The following SDK1 variants were observed in gnomAD, a reference collection of about 807,000 sequenced individuals.
The protein encoded by SDK1 is protein sidekick-1.
In SDK1, 157 loss-of-function variants were observed where a neutral mutation model predicts 245.5. That is an observed-to-expected ratio of 0.64 (90% CI 0.56 to 0.73). SDK1 has a LOEUF of 0.73. Ranked by LOEUF, SDK1 falls within the 30% of genes least tolerant of loss-of-function variation. The pLI, the probability that SDK1 is intolerant of heterozygous loss-of-function variation, is 0.00. For synonymous variants in SDK1, 1,647 were observed against 1,278.5 expected (o/e 1.29, Z -6.15); for missense variants, 3,583 against 3,002.3 (o/e 1.19, Z -4.52).
chr7:3,564,871 T>C (rs1300159048), intron 1 of SDK1, among the ~76,000 whole-genome samples: 1 of 152,080 alleles, frequency 6.6e-6, no homozygotes, highest in African/African-American at 2.4e-5. Flanking sequence ...TCGATTACAG[T>C]ACCTGTGAAT....
At chr7:4,171,219 G>A (rs1360272736) in intron 32 of SDK1, among the ~76,000 whole-genome samples, 1 of 152,238 alleles carries the variant, frequency 6.6e-6, no homozygotes, top group Non-Finnish European at 1.5e-5. Context: ...GTGCCTTGCT[G>A]ATCGTCTGCC....
rs1463190369 is a variant in SDK1, at chr7:3,633,915, C to T, written c.459-5089C>T. On this transcript the variant is annotated intron_variant, in intron 2 of 44. Coordinates refer to ENST00000404826, the MANE Select transcript of SDK1 (RefSeq NM_152744.4). ...TGGCCCCACCAAATACTGGCCATCACTGCTTGAGCCACTGCCCTAGTTGGC... is the reference window on the plus strand; with the variant it reads ...TGGCCCCACCAAATACTGGCCATCATTGCTTGAGCCACTGCCCTAGTTGGC... Among the ~76,000 whole-genome samples the T allele has an allele frequency of 2.0e-5, 3 of 152,102 alleles. No individual in the cohort carries two copies. In the East Asian group the frequency reaches 5.8e-4, roughly 29 times the overall value.
intron 5 of SDK1, among the ~76,000 whole-genome samples, chr7:3,865,763 G>A (rs1055940349): frequency 6.6e-6 from 1 of 151,376 alleles, no homozygotes; most frequent in Non-Finnish European, 1.5e-5. Flanking sequence ...CTCCCAAAAC[G>A]CTGGGATTAC....
intron 1 of SDK1, among the ~76,000 whole-genome samples, chr7:3,494,664 T>C: frequency 6.6e-6 from 1 of 152,240 alleles, no homozygotes; most frequent in East Asian, 1.9e-4. Flanking sequence ...AATTATGTTT[T>C]ATATACTCTG....
intron 4 of SDK1, among the ~76,000 whole-genome samples, chr7:3,816,426 C>T (rs1264496149): frequency 6.7e-6 from 1 of 148,744 alleles, no homozygotes; most frequent in Non-Finnish European, 1.5e-5. Context: ...CACCACCGAT[C>T]CCACAGAAAT....
intron 4 of SDK1, among the ~76,000 whole-genome samples, chr7:3,697,858 A>T (rs1653570667): frequency 6.6e-6 from 1 of 152,330 alleles, no homozygotes; most frequent in South Asian, 2.1e-4. Flanking sequence ...TTTCAGAAAG[A>T]TGGAATTAGA....
chr7:3,777,566 G>T (rs1291713890), intron 4 of SDK1, among the ~76,000 whole-genome samples: 2 of 152,176 alleles, frequency 1.3e-5, no homozygotes, highest in Non-Finnish European at 2.9e-5. Context: ...GATGTGCCCA[G>T]CAGCAGGCTT....
intron 2 of SDK1, among the ~76,000 whole-genome samples, chr7:3,634,725 G>T (rs1350360915): frequency 6.6e-6 from 1 of 152,186 alleles, no homozygotes; most frequent in Non-Finnish European, 1.5e-5. Context: ...CATAATAGGT[G>T]GAGGACTTTG....
chr7:3,646,811 TAC>T (rs1782853004), intron 4 of SDK1, among the ~76,000 whole-genome samples: 1 of 152,236 alleles, frequency 6.6e-6, no homozygotes. Context: ...AGAGACAATC[TAC>T]AATTATCTCA....
chr7:4,138,257 C>T (rs531515132), intron 28 of SDK1, among the ~76,000 whole-genome samples: 3 of 152,214 alleles, frequency 2.0e-5, no homozygotes, highest in African/African-American at 7.2e-5. Flanking sequence ...GAGGGGAGGG[C>T]GACCCCACTG....
chr7:3,855,672 C>G (rs974694933), intron 5 of SDK1, among the ~76,000 whole-genome samples: 21 of 152,140 alleles, frequency 1.4e-4, no homozygotes, highest in African/African-American at 5.1e-4. Flanking sequence ...ACAAAGAAGC[C>G]CTAGGCAATT....
At chr7:3,809,896 G>C (rs971777127) in intron 4 of SDK1, among the ~76,000 whole-genome samples, 45 of 152,286 alleles carry the variant, frequency 3.0e-4, no homozygotes, top group African/African-American at 1.0e-3. Flanking sequence ...CCAGCCCCAG[G>C]CTTCCCCAAC....
chr7:3,434,600 A>G (rs1414138894), intron 1 of SDK1, among the ~76,000 whole-genome samples: 1 of 152,170 alleles, frequency 6.6e-6, no homozygotes, highest in African/African-American at 2.4e-5. Context: ...CAAAGATGTT[A>G]AGTAGCTCAC....
chr7:3,937,895 T>A (rs1780215707), intron 5 of SDK1, among the ~76,000 whole-genome samples: 1 of 152,066 alleles, frequency 6.6e-6, no homozygotes, highest in Non-Finnish European at 1.5e-5. Flanking sequence ...TGGAGTGCAG[T>A]GACGTAATCT....
chr7:3,904,880 C>T (rs1249122204), intron 5 of SDK1, among the ~76,000 whole-genome samples: 1 of 151,654 alleles, frequency 6.6e-6, no homozygotes, highest in African/African-American at 2.4e-5. Flanking sequence ...GTAGTCCCAG[C>T]TACTCGGGAG....
intron 1 of SDK1, among the ~76,000 whole-genome samples, chr7:3,421,049 C>G (rs1583832036): frequency 6.9e-6 from 1 of 145,086 alleles, no homozygotes; most frequent in Admixed American, 6.9e-5. Context: ...TAAATTAAAG[C>G]TTTTATCAAT....
chr7:3,698,836 C>T (rs145600702), intron 4 of SDK1, among the ~76,000 whole-genome samples: 1 of 152,254 alleles, frequency 6.6e-6, no homozygotes, highest in African/African-American at 2.4e-5. Context: ...CTCATCTAAC[C>T]CTAATTAGTT....
At chr7:4,207,548 G>A (rs1429851454) in intron 36 of SDK1, among the ~76,000 whole-genome samples, 1 of 152,248 alleles carries the variant, frequency 6.6e-6, no homozygotes, top group East Asian at 1.9e-4. Context: ...GTTTTTGATT[G>A]CTTTAATCTC....
chr7:3,979,124 C>T (rs10236597), intron 13 of SDK1, among the ~76,000 whole-genome samples: 70,676 of 152,012 alleles, frequency 0.46, 17,770 homozygotes, highest in South Asian at 0.66. Flanking sequence ...TCACCTTTCA[C>T]TACTTGTGTG....
Sources: gnomAD v4.1 joint callset for allele counts (sites outside exome capture counted in the v4.1 genomes callset) on GRCh38, gnomAD v4.1.1 for gene constraint, MANE v1.5 for transcripts, NCBI Gene and HGNC (gene_info 2026-07-23, HGNC 2026-07-21) for gene names.